The following TSHR variants were observed in gnomAD, a reference collection of about 807,000 sequenced individuals.
TSHR encodes thyroid stimulating hormone receptor.
In TSHR, 51 loss-of-function variants were observed where a neutral mutation model predicts 64.1. The ratio of observed to expected loss-of-function variants is 0.80; its 90% confidence interval spans 0.64 to 1.01. TSHR has a LOEUF of 1.01. Among genes scored for constraint, TSHR ranks in the 50% least tolerant of loss-of-function variants. TSHR has a pLI of 0.00. For missense variants in TSHR, 877 were observed against 942.8 expected, an observed-to-expected ratio of 0.93 and a Z score of 0.91; for synonymous variants, 361 against 361.9, an observed-to-expected ratio of 1.00 and a Z score of 0.03.
chr14:81,122,354 T>C (rs2140067666), intron 8 of TSHR, among the ~76,000 whole-genome samples: 1 of 151,760 alleles, frequency 6.6e-6, no homozygotes. Flanking sequence ...TGAGAGGTGT[T>C]TTAAAGAACA....
At chr14:81,131,434 C>T (rs1891243673) in intron 8 of TSHR, among the ~76,000 whole-genome samples, 1 of 152,228 alleles carries the variant, frequency 6.6e-6, no homozygotes, top group African/African-American at 2.4e-5. Context: ...CATTCCTCTG[C>T]AGCCTTTTGA....
chr14:81,063,313 CTCTT>C (rs1297095304), intron 2 of TSHR, among the ~76,000 whole-genome samples: 1 of 152,118 alleles, frequency 6.6e-6, no homozygotes, highest in East Asian at 1.9e-4. Flanking sequence ...TAATTACCAG[CTCTT>C]TCTTTGTATA....
intron 1 of TSHR, among the ~76,000 whole-genome samples, chr14:80,961,214 T>TA (rs1887008894): frequency 6.6e-6 from 1 of 152,220 alleles, no homozygotes; most frequent in Non-Finnish European, 1.5e-5. Flanking sequence ...GGACTAACTA[T>TA]ATCCCAGACA....
chr14:81,103,883 G>A lies in TSHR; in HGVS notation c.615-4492G>A, dbSNP rs1009762628. 5 of 985,242 alleles carry A rather than the reference G, an allele frequency of 5.1e-6. No homozygotes were observed. In the African/African-American group the frequency reaches 8.7e-5, roughly 17 times the overall value. 61.0% of individuals were successfully genotyped at this position (985,242 alleles called of 1,614,324 possible). A position where few individuals can be genotyped will look rare whatever the true frequency, so the allele number is the denominator to read the frequency against. ...CTATCTGACAGTAAACATTTAGGCA[G>A]GAATAAAAATACCATTTTGATATGC... is the stretch of plus-strand genomic sequence containing the variant. On this transcript the variant is annotated intron_variant, in intron 7 of 9. Transcript: ENST00000298171. This position sits in a 1 kb window ranked among gnomAD's most constrained non-coding sequence, Gnocchi z 4.1.
At chr14:80,979,647 A>G (rs1174519206) in intron 1 of TSHR, among the ~76,000 whole-genome samples, 1 of 152,244 alleles carries the variant, frequency 6.6e-6, no homozygotes, top group Non-Finnish European at 1.5e-5. Flanking sequence ...AATATGTGCT[A>G]ATTAAAAATA....
intron 8 of TSHR, among the ~76,000 whole-genome samples, chr14:81,120,481 C>T (rs1054931486): frequency 5.3e-5 from 8 of 152,094 alleles, no homozygotes; most frequent in African/African-American, 1.9e-4. Context: ...TTTCTGATAG[C>T]TTATTGTTTG....
At chr14:81,037,461 T>G (rs1193993673) in intron 1 of TSHR, among the ~76,000 whole-genome samples, 1 of 126,996 alleles carries the variant, frequency 7.9e-6, no homozygotes, top group East Asian at 2.3e-4. Context: ...CAGAAAATGA[T>G]CTAACAAAAT....
intron 8 of TSHR, among the ~76,000 whole-genome samples, chr14:81,122,306 G>A (rs529746762): frequency 1.3e-5 from 2 of 151,932 alleles, no homozygotes; most frequent in African/African-American, 4.8e-5. Context: ...GCCTACCAAA[G>A]TTCTGGGATT....
In TSHR at chr14:81,124,131, T is replaced by G. The variant is rs118068655; in HGVS notation, c.693-15548T>G. The stretch of plus-strand genomic sequence containing the variant: ...TTTTCATTACAGGTATCAGCATAAA[T>G]AAACTTCAAAAACACACTTTTCTTG... On this transcript the variant is annotated intron_variant, in intron 8 of 9. Transcript: ENST00000298171. Among the ~76,000 whole-genome samples, 1,075 of 152,284 alleles carry G rather than the reference T, an allele frequency of 7.1e-3. 49 individuals are homozygous for G. The East Asian group carries it at 0.1, about 15-fold the overall frequency.
rs1891822824 is a variant in TSHR at position 81,143,959 on chromosome 14, T to G, written c.1901T>G (p.Phe634Cys). 10 of 1,614,182 alleles carry G rather than the reference T, an allele frequency of 6.2e-6. No homozygotes were observed. Among genetic ancestry groups the G allele is most frequent in the Non-Finnish European group, 8.5e-6 (10 of 1,180,036 alleles). Residue 634 changes from phenylalanine to cysteine, a missense_variant, in exon 10 of 10, where the codon TTC becomes TGC. Transcript: ENST00000298171. ...ATGGCTGTGTTGATCTTCACCGACTTCATATGCATGGCCCCAATCTCATTC... is the reference window on the plus strand; with the variant it reads ...ATGGCTGTGTTGATCTTCACCGACTGCATATGCATGGCCCCAATCTCATTC... ...KRMAVLIFTDFICMAPISFYA... is the reference protein window; with the variant it reads ...KRMAVLIFTDCICMAPISFYA...
intron 1 of TSHR, among the ~76,000 whole-genome samples, chr14:80,970,504 A>G (rs1209689021): frequency 6.6e-6 from 1 of 152,216 alleles, no homozygotes; most frequent in Non-Finnish European, 1.5e-5. Context: ...CAAAACTTTA[A>G]GAGCCTGAGC....
At chr14:81,005,197 T>TTGTGTG (rs71103894) in intron 1 of TSHR, among the ~76,000 whole-genome samples, 1,854 of 149,838 alleles carry the variant, frequency 0.012, 14 homozygotes, top group Non-Finnish European at 0.018. Flanking sequence ...ACTCAAGCCT[T>TTGTGTG]TGTGTGTGTG....
chr14:81,057,732 A>G (rs1316553265), intron 1 of TSHR, among the ~76,000 whole-genome samples: 1 of 152,176 alleles, frequency 6.6e-6, no homozygotes, highest in Non-Finnish European at 1.5e-5. Context: ...GAATCACAAA[A>G]TACTCTCAGC....
intron 3 of TSHR, among the ~76,000 whole-genome samples, chr14:81,085,172 G>A (rs193029782): frequency 2.0e-5 from 3 of 152,114 alleles, no homozygotes; most frequent in Non-Finnish European, 4.4e-5. Flanking sequence ...ACGTTGCCCA[G>A]GCTGGTCTTG....
intron 3 of TSHR, among the ~76,000 whole-genome samples, chr14:81,078,411 G>C (rs1169351459): frequency 6.6e-6 from 1 of 152,074 alleles, no homozygotes; most frequent in African/African-American, 2.4e-5. Context: ...TGTAAGTAAT[G>C]TGTTTTTTCC....
At chr14:81,123,452 A>C (rs1020161751) in intron 8 of TSHR, among the ~76,000 whole-genome samples, 1 of 152,218 alleles carries the variant, frequency 6.6e-6, no homozygotes, top group Non-Finnish European at 1.5e-5. Flanking sequence ...TACTTTTTAT[A>C]ACCTTCCTGT....
intron 1 of TSHR, among the ~76,000 whole-genome samples, chr14:81,007,953 G>A (rs572687486): frequency 6.6e-6 from 1 of 152,234 alleles, no homozygotes; most frequent in South Asian, 2.1e-4. Context: ...CTACTTTTTT[G>A]CAAGTTGGCA....
intron 1 of TSHR, among the ~76,000 whole-genome samples, chr14:81,044,732 T>C (rs1004363261): frequency 3.2e-4 from 48 of 150,264 alleles, no homozygotes; most frequent in African/African-American, 1.2e-3. Context: ...TGGCTATTAC[T>C]AAAAAGTCAA....
At chr14:81,042,787 GT>G (rs1163848175) in intron 1 of TSHR, among the ~76,000 whole-genome samples, 1 of 152,054 alleles carries the variant, frequency 6.6e-6, no homozygotes, top group East Asian at 1.9e-4. Flanking sequence ...AGGATAGAGT[GT>G]TTTCAATGTT....
Sources: allele counts gnomAD v4.1 joint callset (sites outside exome capture counted in the v4.1 genomes callset), GRCh38; gene constraint gnomAD v4.1.1; non-coding constraint Gnocchi (gnomAD v3.1); transcripts MANE v1.5; gene names NCBI Gene and HGNC (gene_info 2026-07-23, HGNC 2026-07-21).